The following ROCK1 variants were observed in gnomAD, a reference collection of about 807,000 sequenced individuals.
ROCK1 encodes the protein Rho associated coiled-coil containing protein kinase 1.
Under a neutral mutation model 196.8 loss-of-function variants are expected in ROCK1, and 36 were observed. That is an observed-to-expected ratio of 0.18 (90% CI 0.14 to 0.24). ROCK1 has a LOEUF of 0.24. Among genes scored for constraint, ROCK1 ranks in the 10% least tolerant of loss-of-function variants. The pLI is 1.00. For missense variants in ROCK1, 920 were observed against 1,562.0 expected (o/e 0.59, Z 6.93); for synonymous variants, 443 against 515.9 (o/e 0.86, Z 1.91).
At chr18:21,014,044 A>G (rs2143450736) in intron 13 of ROCK1, among the ~76,000 whole-genome samples, 1 of 148,988 alleles carries the variant, frequency 6.7e-6, no homozygotes, top group Non-Finnish European at 1.5e-5. Flanking sequence ...CCAGCCTGGG[A>G]AAAAGAGCAA....
intron 1 of ROCK1, among the ~76,000 whole-genome samples, chr18:21,107,623 C>T (rs537491156): frequency 6.6e-6 from 1 of 152,300 alleles, no homozygotes; most frequent in Admixed American, 6.5e-5. Flanking sequence ...AAGCTGAAGT[C>T]ACCTGATAGG....
At chr18:21,002,725 T>C (rs2035735510) in intron 16 of ROCK1, among the ~76,000 whole-genome samples, 1 of 151,954 alleles carries the variant, frequency 6.6e-6, no homozygotes, top group Admixed American at 6.6e-5. Context: ...AGCCAGACTT[T>C]ATGTTTTTTC....
In ROCK1 at chr18:21,015,516, G is replaced by A. The variant is rs113605587; in HGVS notation, c.1362-37C>T. The A allele has an allele frequency of 1.7e-4, 224 of 1,285,438 alleles. No individual in the cohort carries two copies. The African/African-American group carries it at 2.5e-3, about 15-fold the overall frequency. 79.6% of individuals were successfully genotyped at this position (1,285,438 alleles called of 1,614,324 possible). A position where few individuals can be genotyped will look rare whatever the true frequency, so the allele number is the denominator to read the frequency against. On this transcript the variant is annotated intron_variant, in intron 12 of 32. Transcript: ENST00000399799. ...AAAGCAATACAGATTAGAAATATAC[G>A]TATTTCTTATTGCCCAGTGTTAAAC...
In ROCK1 at chr18:21,042,140, A is replaced by G; in HGVS notation, c.916T>C (p.Ser306Pro). The G allele has an allele frequency of 1.2e-6, 2 of 1,604,932 alleles. No homozygotes were observed. The highest frequency in any genetic ancestry group is 1.7e-6 in the Non-Finnish European group (2 of 1,177,264). The change falls in exon 8 of 33, where the codon TCA becomes CCA. Residue 306 changes from serine to proline, a missense_variant. This residue lies in a region of ROCK1 where 234 missense variants were observed against 460.7 expected (regional missense o/e 0.51). Transcript: ENST00000399799. Reference protein sequence around the residue: ...SLTFPDDNDISKEAKNLICAF... With the variant: ...SLTFPDDNDIPKEAKNLICAF... ...CAAATAAGGTTTTTTGCTTCTTTTGATATGTCATTATCATCAGGAAAGGTA... is the reference window on the plus strand; with the variant it reads ...CAAATAAGGTTTTTTGCTTCTTTTGGTATGTCATTATCATCAGGAAAGGTA...
At chr18:21,023,004 G>T (rs1568386025) in intron 11 of ROCK1, among the ~76,000 whole-genome samples, 1 of 107,230 alleles carries the variant, frequency 9.3e-6, no homozygotes, top group Non-Finnish European at 1.8e-5. Context: ...GATAAATATT[G>T]TATGATTCCA....
chr18:21,094,052 CA>C (rs1344842878), intron 1 of ROCK1, among the ~76,000 whole-genome samples: 1 of 151,986 alleles, frequency 6.6e-6, no homozygotes, highest in Non-Finnish European at 1.5e-5. Context: ...ACTCAAGACT[CA>C]AAGATCTGAA....
chr18:21,077,480 A>C (rs913013222), intron 1 of ROCK1, among the ~76,000 whole-genome samples: 1 of 152,216 alleles, frequency 6.6e-6, no homozygotes, highest in Non-Finnish European at 1.5e-5. Context: ...GGTGCTGCTC[A>C]TAAAGGCTAC....
chr18:21,039,469 T>C lies in ROCK1; in HGVS notation c.1051+3A>G, dbSNP rs78409007. The C allele has an allele frequency of 6.3e-7, 1 of 1,597,344 alleles. No homozygotes were observed. Among genetic ancestry groups the C allele is most frequent in the South Asian group, 1.1e-5 (1 of 88,256 alleles). On this transcript the variant is annotated splice_donor_region_variant and intron_variant, in intron 9 of 32. Coordinates refer to ENST00000399799, the MANE Select transcript of ROCK1 (RefSeq NM_005406.3). ...AAAATATGAAAGAAAAAAAAAAACT[T>C]ACTGTCTCGGAGCGTTTCCCAAGCC...
At chr18:21,071,396 GA>G in intron 1 of ROCK1, among the ~76,000 whole-genome samples, 1 of 152,020 alleles carries the variant, frequency 6.6e-6, no homozygotes, top group Non-Finnish European at 1.5e-5. Context: ...GGCTGGTCTT[GA>G]ACTCCAGACC....
At chr18:21,031,143 T>TG (rs558925948) in intron 9 of ROCK1, among the ~76,000 whole-genome samples, 31 of 152,238 alleles carry the variant, frequency 2.0e-4, no homozygotes, top group Non-Finnish European at 4.1e-4. Flanking sequence ...CCGCAAGCCC[T>TG]GGGGGAAAGA....
intron 16 of ROCK1, among the ~76,000 whole-genome samples, chr18:20,998,851 C>T (rs770808092): frequency 1.4e-4 from 21 of 151,956 alleles, no homozygotes; most frequent in Non-Finnish European, 1.3e-4. Context: ...TCAAGTGATC[C>T]GCCCACCTTG....
At chr18:21,105,480 T>C (rs1233400424) in intron 1 of ROCK1, among the ~76,000 whole-genome samples, 1 of 152,226 alleles carries the variant, frequency 6.6e-6, no homozygotes, top group Non-Finnish European at 1.5e-5. Context: ...GGTCTTTTCA[T>C]TCCAAGAGTA....
At chr18:20,999,447 A>C (rs2035701589) in intron 16 of ROCK1, among the ~76,000 whole-genome samples, 1 of 152,160 alleles carries the variant, frequency 6.6e-6, no homozygotes, top group Admixed American at 6.6e-5. Flanking sequence ...ACACACCAAA[A>C]AACACTGCAT....
At chr18:21,030,941 A>C (rs2036000794) in intron 9 of ROCK1, among the ~76,000 whole-genome samples, 1 of 152,228 alleles carries the variant, frequency 6.6e-6, no homozygotes, top group Non-Finnish European at 1.5e-5. Context: ...ATAAAAAACT[A>C]ATAACAAGCA....
rs1409725016 is a variant in ROCK1 at position 21,042,596 on chromosome 18, C to T, written c.789G>A (p.Ser263=). ...GCATTTCGTATAAAAATACCCCAAC[C>T]GACCACCAGTCACATTCTCTTCCAT... The part of the protein sequence containing the change: ...GYYGRECDWW[S]VGVFLYEMLV... The change falls in exon 7 of 33, where the codon TCG becomes TCA. Residue 263 remains serine (S), a synonymous_variant. Transcript: ENST00000399799. The T allele has an allele frequency of 2.7e-5, 43 of 1,613,664 alleles. No homozygotes were observed. Among genetic ancestry groups the T allele is most frequent in the Non-Finnish European group, 3.2e-5 (38 of 1,179,846 alleles).
intron 2 of ROCK1, among the ~76,000 whole-genome samples, chr18:21,050,919 C>A (rs188547004): frequency 6.6e-6 from 1 of 152,114 alleles, no homozygotes; most frequent in Non-Finnish European, 1.5e-5. Context: ...ATAAACATAA[C>A]TTTAAAATGT....
intron 1 of ROCK1, among the ~76,000 whole-genome samples, chr18:21,104,178 T>C (rs1016089005): frequency 1.3e-5 from 2 of 152,178 alleles, no homozygotes; most frequent in Non-Finnish European, 2.9e-5. Flanking sequence ...TCACCATATA[T>C]CCATAACACC....
At chr18:20,962,965 C>A (rs2035341102) in intron 27 of ROCK1, among the ~76,000 whole-genome samples, 1 of 151,878 alleles carries the variant, frequency 6.6e-6, no homozygotes, top group African/African-American at 2.4e-5. Flanking sequence ...TATATAAAGA[C>A]CTCCTCTAAA....
intron 17 of ROCK1, among the ~76,000 whole-genome samples, chr18:20,992,458 A>G (rs1034101724): frequency 2.0e-5 from 3 of 152,202 alleles, no homozygotes; most frequent in Non-Finnish European, 4.4e-5. Flanking sequence ...CAGAACAGGT[A>G]CTCATCATCT....
Sources: allele counts gnomAD v4.1 joint callset (sites outside exome capture counted in the v4.1 genomes callset), GRCh38; gene constraint gnomAD v4.1.1; regional missense constraint gnomAD v4.1.1; transcripts MANE v1.5; gene names NCBI Gene and HGNC (gene_info 2026-07-23, HGNC 2026-07-21).